The following ARHGEF19 variants were observed in gnomAD, a reference collection of about 807,000 sequenced individuals.
The protein encoded by ARHGEF19 is Rho guanine nucleotide exchange factor (GEF) 19.
A neutral mutation model predicts 87.6 loss-of-function variants in ARHGEF19; 92 were observed. The observed-to-expected ratio is 1.05, with a 90% CI of 0.89 to 1.25. ARHGEF19 has a LOEUF of 1.25. ARHGEF19 is among the 50% of genes most tolerant of loss of function. The pLI is 0.00. For missense variants in ARHGEF19, 1,054 were observed against 1,051.8 expected, an observed-to-expected ratio of 1.00 and a Z score of -0.03; for synonymous variants, 438 against 446.2, an observed-to-expected ratio of 0.98 and a Z score of 0.23.
chr1:16,203,493 C>G (rs993574641), intron 12 of ARHGEF19, among the ~76,000 whole-genome samples: 2 of 152,156 alleles, frequency 1.3e-5, no homozygotes, highest in African/African-American at 4.8e-5. Flanking sequence ...GGCCTCTCCC[C>G]TTCCAGTTCA....
intron 1 of ARHGEF19, among the ~76,000 whole-genome samples, chr1:16,210,619 G>T (rs2081189780): frequency 6.6e-6 from 1 of 152,216 alleles, no homozygotes; most frequent in Non-Finnish European, 1.5e-5. Flanking sequence ...AAAACCCAGG[G>T]AGACAGATGG....
At chr1:16,200,469 G>A (rs1362744108) in intron 14 of ARHGEF19, among the ~76,000 whole-genome samples, 1 of 152,230 alleles carries the variant, frequency 6.6e-6, no homozygotes, top group African/African-American at 2.4e-5. Flanking sequence ...AAGGCTGGGT[G>A]CAGTGGCTCA....
In ARHGEF19 at chr1:16,206,917, C is replaced by G; in HGVS notation, c.1137+31G>C. ...CGGACCGCGTACTCCCCGGCCCGCC[C>G]CCGCCCCGCCGGGTCCCCGCGCGCG... On this transcript the variant is annotated intron_variant, in intron 6 of 15. Coordinates refer to ENST00000270747, the MANE Select transcript of ARHGEF19 (RefSeq NM_153213.5). The surrounding 1 kb of genome is among the most constrained non-coding windows in gnomAD (Gnocchi z 4.6). The G allele has an allele frequency of 7.0e-7, 1 of 1,437,960 alleles. No homozygotes were observed. The highest frequency in any genetic ancestry group is 9.0e-7 in the Non-Finnish European group (1 of 1,105,488). The allele number at this position is 1,437,960 out of a possible 1,614,324, so 89.1% of individuals were successfully genotyped here. A position where few individuals can be genotyped will look rare whatever the true frequency, so the allele number is the denominator to read the frequency against.
Position 16,207,370 on chromosome 1 carries a change from T to G in ARHGEF19, c.874+152A>C. 1 of 1,327,672 alleles carries G rather than the reference T, an allele frequency of 7.5e-7. No homozygotes were observed. The highest frequency in any genetic ancestry group is 1.0e-6 in the Non-Finnish European group (1 of 984,348). 82.2% of individuals were successfully genotyped at this position (1,327,672 alleles called of 1,614,324 possible). On this transcript the variant is annotated intron_variant, in intron 5 of 15. Transcript: ENST00000270747. The surrounding 1 kb of genome is among the most constrained non-coding windows in gnomAD (Gnocchi z 4.0). Reference sequence around the variant, plus strand: ...TTCATTCATTCATTCCATAAACAAATTGAGCACCTACTGAGTGCTAGATAC... The same window carrying G: ...TTCATTCATTCATTCCATAAACAAAGTGAGCACCTACTGAGTGCTAGATAC...
rs1466060286 is a variant in ARHGEF19, at chr1:16,206,163, C to T, written c.1298+17G>A. 13 of 1,590,348 alleles carry T rather than the reference C, an allele frequency of 8.2e-6. No individual in the cohort carries two copies. The highest frequency in any genetic ancestry group is 1.1e-5 in the Non-Finnish European group (13 of 1,166,766). ...GGCTCCGTCCCCACCCCGGGCCAGG[C>T]CAGACCACTTCTTCACCTCTCGCTG... On this transcript the variant is annotated intron_variant, in intron 7 of 15. Coordinates refer to ENST00000270747, the MANE Select transcript of ARHGEF19 (RefSeq NM_153213.5). This position sits in a 1 kb window ranked among gnomAD's most constrained non-coding sequence, Gnocchi z 4.6.
At position 16,208,939 on chromosome 1, in the gene ARHGEF19, G is replaced by A. The variant is rs771545514; in HGVS notation, c.116C>T (p.Ala39Val). The A allele has an allele frequency of 1.3e-6, 2 of 1,581,264 alleles. No homozygotes were observed. The highest frequency in any genetic ancestry group is 1.7e-6 in the Non-Finnish European group (2 of 1,165,156). The change falls in exon 2 of 16, where the codon GCC becomes GTC. Residue 39 changes from alanine to valine, a missense_variant. Coordinates refer to ENST00000270747, the MANE Select transcript of ARHGEF19 (RefSeq NM_153213.5). Reference sequence around the variant, plus strand: ...ACACACTGGGCTCGGGGGCTTCAGGGCGGGCAGCTCTGCAAAGGACAGACT... The same window carrying A: ...ACACACTGGGCTCGGGGGCTTCAGGACGGGCAGCTCTGCAAAGGACAGACT... ...QESLSFAELP[A>V]LKPPSPVCLD...
chr1:16,209,275 T>C (rs2081175992), intron 1 of ARHGEF19, among the ~76,000 whole-genome samples, 192 bp from the exon 2 acceptor site: 1 of 152,244 alleles, frequency 6.6e-6, no homozygotes, highest in Middle Eastern at 3.2e-3. Context: ...CCAAGTACTT[T>C]ACACATACTA....
Position 16,206,850 on chromosome 1 carries a change from G to T in ARHGEF19, c.1137+98C>A. ...GACAGTCGCGCCAGCAACCCCCTTT[G>T]TGTGTCCCCCTCCCTCTATGGCCCG... On this transcript the variant is annotated intron_variant, in intron 6 of 15. Transcript: ENST00000270747. This position sits in a 1 kb window ranked among gnomAD's most constrained non-coding sequence, Gnocchi z 4.6. 7.5e-7 allele frequency: 1 copy of T among 1,334,588 alleles called. No homozygotes were observed. Among genetic ancestry groups the T allele is most frequent in the Non-Finnish European group, 9.7e-7 (1 of 1,036,022 alleles). 82.7% of individuals were successfully genotyped at this position (1,334,588 alleles called of 1,614,324 possible). A position where few individuals can be genotyped will look rare whatever the true frequency, so the allele number is the denominator to read the frequency against.
At chr1:16,199,018 C>T in intron 15 of ARHGEF19, 132 bp downstream of exon 15, 3 of 933,220 alleles carry the variant, frequency 3.2e-6, no homozygotes, top group East Asian at 2.6e-5. Context: ...TTCCTCCTCT[C>T]ATCTAACCTG....
At position 16,198,507 on chromosome 1, in the gene ARHGEF19, G is replaced by A; in HGVS notation, c.*80C>T. On this transcript the variant is annotated 3_prime_UTR_variant, in exon 16 of 16. Coordinates refer to ENST00000270747, the MANE Select transcript of ARHGEF19 (RefSeq NM_153213.5). The surrounding 1 kb of genome is among the most constrained non-coding windows in gnomAD (Gnocchi z 4.1). ...GCGAAGTGCCAGCAGGAGCAGCTTG[G>A]GGAATGGAGACACTGCAGGCCCCTC... 6.9e-7 allele frequency: 1 copy of A among 1,448,536 alleles called. No homozygotes were observed. The highest frequency in any genetic ancestry group is 2.4e-5 in the East Asian group (1 of 41,748). The allele number at this position is 1,448,536 out of a possible 1,614,324, so 89.7% of individuals were successfully genotyped here.
At position 16,205,181 on chromosome 1, in the gene ARHGEF19, G is replaced by A; in HGVS notation, c.1657-5C>T. On this transcript the variant is annotated splice_region_variant and splice_polypyrimidine_tract_variant and intron_variant, in intron 10 of 15. Transcript: ENST00000270747. The surrounding 1 kb of genome is among the most constrained non-coding windows in gnomAD (Gnocchi z 5.8). ...AGCATTGCACTCCTGCACCAGCTGG[G>A]GGAGCCGTGGGGAGGTCACCTGCAG... The A allele has an allele frequency of 1.3e-6, 2 of 1,593,024 alleles. No homozygotes were observed. Among genetic ancestry groups the A allele is most frequent in the Non-Finnish European group, 1.7e-6 (2 of 1,169,752 alleles).
At chr1:16,202,346 C>CCGT (rs1369378389) in intron 13 of ARHGEF19, 70 bp downstream of exon 13, 26 of 824,358 alleles carry the variant, frequency 3.2e-5, no homozygotes, top group Admixed American at 1.8e-4. Context: ...GACGGGGTGC[C>CCGT]CATCATGGGG....
At chr1:16,208,257 G>C in intron 2 of ARHGEF19, 32 bp from the exon 3 acceptor site, 1 of 1,598,730 alleles carries the variant, frequency 6.3e-7, no homozygotes. Flanking sequence ...GAGAGCACGG[G>C]CTGGGGTCTC....
At chr1:16,202,269 A>C in intron 13 of ARHGEF19, 147 bp downstream of exon 13, 1 of 1,255,488 alleles carries the variant, frequency 8.0e-7, no homozygotes, top group Non-Finnish European at 1.1e-6. Context: ...GTCCTGCCCA[A>C]GTCAGGGAAG....
Position 16,207,518 on chromosome 1 carries a change from G to T in ARHGEF19, c.874+4C>A. The T allele has an allele frequency of 6.2e-7, 1 of 1,613,608 alleles. No homozygotes were observed. The highest frequency in any genetic ancestry group is 8.5e-7 in the Non-Finnish European group (1 of 1,179,832). On this transcript the variant is annotated splice_donor_region_variant and intron_variant, in intron 5 of 15. Transcript: ENST00000270747. The surrounding 1 kb of genome is among the most constrained non-coding windows in gnomAD (Gnocchi z 4.0). ...CTCCTCCCAGGGACCCCCCTCCCAC[G>T]TACAGTTAAGGAGGAATCGAGACTG...
chr1:16,206,854 G>T lies in ARHGEF19; in HGVS notation c.1137+94C>A. The T allele has an allele frequency of 7.4e-7, 1 of 1,342,638 alleles. No individual in the cohort carries two copies. The highest frequency in any genetic ancestry group is 9.6e-7 in the Non-Finnish European group (1 of 1,043,062). The allele number at this position is 1,342,638 out of a possible 1,614,324, so 83.2% of individuals were successfully genotyped here. A position where few individuals can be genotyped will look rare whatever the true frequency, so the allele number is the denominator to read the frequency against. On this transcript the variant is annotated intron_variant, in intron 6 of 15. Coordinates refer to ENST00000270747, the MANE Select transcript of ARHGEF19 (RefSeq NM_153213.5). The surrounding 1 kb of genome is among the most constrained non-coding windows in gnomAD (Gnocchi z 4.6). ...GTCGCGCCAGCAACCCCCTTTGTGT[G>T]TCCCCCTCCCTCTATGGCCCGGTTC...
intron 14 of ARHGEF19, 53 bp from the exon 15 acceptor site, chr1:16,199,307 G>C (rs2081065986): frequency 1.3e-6 from 2 of 1,542,186 alleles, no homozygotes; most frequent in African/African-American, 2.7e-5. Context: ...GGCAGGGGGA[G>C]GAGCATGGGT....
In ARHGEF19 at chr1:16,202,536, G is replaced by C; in HGVS notation, c.1946C>G (p.Ala649Gly). ...GCTCAGGTCCCGCACCTGCAGCTCA[G>C]CCATCTTGGCATGGACGAAAACGGC... is the stretch of plus-strand genomic sequence containing the variant. ...KFAVFVHAKM[A>G]ELQVRDLSLK... is the part of the protein sequence containing the mutation. The change falls in exon 13 of 16, where the codon GCT becomes GGT. Residue 649 changes from alanine (A) to glycine (G), a missense_variant. Coordinates refer to ENST00000270747, the MANE Select transcript of ARHGEF19 (RefSeq NM_153213.5). 1 of 1,614,188 alleles carries C rather than the reference G, an allele frequency of 6.2e-7. No individual in the cohort carries two copies. The highest frequency in any genetic ancestry group is 8.5e-7 in the Non-Finnish European group (1 of 1,180,004).
Position 16,198,539 on chromosome 1 carries a change from C to T in ARHGEF19, c.*48G>A, listed in dbSNP as rs764411896. The T allele has an allele frequency of 3.9e-6, 6 of 1,551,524 alleles. No individual in the cohort carries two copies. The East Asian group carries it at 9.0e-5, about 23-fold the overall frequency. ...GAGACACTGCAGGCCCCTCCAGGACCATCCAGGAGCCAGGCATGGAGGTGG... is the reference window on the plus strand; with the variant it reads ...GAGACACTGCAGGCCCCTCCAGGACTATCCAGGAGCCAGGCATGGAGGTGG... On this transcript the variant is annotated 3_prime_UTR_variant, in exon 16 of 16. Coordinates refer to ENST00000270747, the MANE Select transcript of ARHGEF19 (RefSeq NM_153213.5). The surrounding 1 kb of genome is among the most constrained non-coding windows in gnomAD (Gnocchi z 4.1).
Sources: gnomAD v4.1 joint callset for allele counts (sites outside exome capture counted in the v4.1 genomes callset) on GRCh38, gnomAD v4.1.1 for gene constraint, Gnocchi (gnomAD v3.1) non-coding constraint, MANE v1.5 for transcripts, NCBI Gene and HGNC (gene_info 2026-07-23, HGNC 2026-07-21) for gene names.